GPC6: variants seen among roughly 807,000 people sequenced by gnomAD.
GPC6 encodes the protein glypican 6.
In GPC6, 14 loss-of-function variants were observed where a neutral mutation model predicts 55.2. That is an observed-to-expected ratio of 0.25 (90% CI 0.17 to 0.40). The LOEUF (loss-of-function observed/expected upper bound fraction) is 0.40. Ranked by LOEUF, GPC6 falls within the 10% of genes least tolerant of loss-of-function variation. GPC6 has a pLI of 1.00. For missense variants in GPC6, 641 were observed against 708.5 expected (o/e 0.90, Z 1.08); for synonymous variants, 278 against 259.6 (o/e 1.07, Z -0.68).
At chr13:94,111,698 A>G (rs1233379634) in intron 4 of GPC6, among the ~76,000 whole-genome samples, 1 of 151,860 alleles carries the variant, frequency 6.6e-6, no homozygotes, top group African/African-American at 2.4e-5. Context: ...CTGACAATTG[A>G]TCGTATTGGT....
At chr13:93,538,864 T>C (rs1351589618) in intron 1 of GPC6, among the ~76,000 whole-genome samples, 3 of 152,180 alleles carry the variant, frequency 2.0e-5, no homozygotes, top group Non-Finnish European at 4.4e-5. Flanking sequence ...CTCCACTGAA[T>C]GTTCTATTTT....
chr13:93,920,904 G>A (rs1049705155), intron 3 of GPC6, among the ~76,000 whole-genome samples: 20 of 151,986 alleles, frequency 1.3e-4, no homozygotes, highest in African/African-American at 4.6e-4. Context: ...TTAGCCTTAG[G>A]TCCCTCCATG....
At chr13:93,481,949 G>C (rs1879538079) in intron 1 of GPC6, among the ~76,000 whole-genome samples, 1 of 152,062 alleles carries the variant, frequency 6.6e-6, no homozygotes, top group Admixed American at 6.6e-5. Context: ...TTTTTTTAAA[G>C]GGTGGCTGAG....
At chr13:93,994,802 T>C (rs1250792005) in intron 3 of GPC6, among the ~76,000 whole-genome samples, 1 of 152,196 alleles carries the variant, frequency 6.6e-6, no homozygotes, top group Admixed American at 6.5e-5. Context: ...GTACGATTTT[T>C]AAATGGGCAC....
chr13:93,712,990 T>C (rs1883124999), intron 2 of GPC6, among the ~76,000 whole-genome samples: 1 of 151,566 alleles, frequency 6.6e-6, no homozygotes, highest in Non-Finnish European at 1.5e-5. Flanking sequence ...ATAATAAAAT[T>C]ATATATTCAC....
At chr13:93,895,234 G>GTGTGTGTGTATGTA (rs1196315147) in intron 3 of GPC6, among the ~76,000 whole-genome samples, 4 of 108,218 alleles carry the variant, frequency 3.7e-5, no homozygotes, top group African/African-American at 1.5e-4. Flanking sequence ...GTGTGTGTGT[G>GTGTGTGTGTATGTA]TATATATATA....
intron 4 of GPC6, among the ~76,000 whole-genome samples, chr13:94,119,640 C>G (rs1199257085): frequency 6.6e-6 from 1 of 152,052 alleles, no homozygotes; most frequent in Non-Finnish European, 1.5e-5. Flanking sequence ...TGACCAGTGC[C>G]CCCTGGAGTT....
chr13:93,714,086 T>C (rs1883164442), intron 2 of GPC6, among the ~76,000 whole-genome samples: 1 of 151,852 alleles, frequency 6.6e-6, no homozygotes, highest in Admixed American at 6.6e-5. Flanking sequence ...AATTGACAAG[T>C]GGGACCTAAT....
At chr13:93,628,601 T>C (rs2139567898) in intron 2 of GPC6, among the ~76,000 whole-genome samples, 1 of 152,320 alleles carries the variant, frequency 6.6e-6, no homozygotes, top group East Asian at 1.9e-4. Flanking sequence ...TTGGTTGTAC[T>C]TGCATGACAC....
chr13:94,250,356 A>C (rs1891311270), intron 4 of GPC6, among the ~76,000 whole-genome samples: 1 of 152,164 alleles, frequency 6.6e-6, no homozygotes, highest in Non-Finnish European at 1.5e-5. Context: ...AGGTCTGTGT[A>C]GTTTGAGTGC....
At chr13:93,640,279 G>A (rs1318377464) in intron 2 of GPC6, among the ~76,000 whole-genome samples, 1 of 152,054 alleles carries the variant, frequency 6.6e-6, no homozygotes, top group Non-Finnish European at 1.5e-5. Flanking sequence ...GATTATACCA[G>A]CATGTGCTCT....
intron 1 of GPC6, among the ~76,000 whole-genome samples, chr13:93,350,109 T>G (rs1594111584): frequency 6.6e-6 from 1 of 152,184 alleles, no homozygotes; most frequent in African/African-American, 2.4e-5. Flanking sequence ...ATGGGTATAT[T>G]ATATAATCAA....
chr13:93,639,782 C>T (rs905753756), intron 2 of GPC6, among the ~76,000 whole-genome samples: 30 of 152,134 alleles, frequency 2.0e-4, no homozygotes, highest in African/African-American at 6.7e-4. Flanking sequence ...TTCTCTAAGC[C>T]GAGAACATTG....
At chr13:93,752,965 T>TTTCTTTCA (rs1884648486) in intron 2 of GPC6, among the ~76,000 whole-genome samples, 1 of 152,210 alleles carries the variant, frequency 6.6e-6, no homozygotes, top group Non-Finnish European at 1.5e-5. Flanking sequence ...CTTTACATCC[T>TTTCTTTCA]TTCTTTCATT....
intron 4 of GPC6, among the ~76,000 whole-genome samples, chr13:94,072,448 G>C (rs1482401540): frequency 6.6e-6 from 1 of 152,232 alleles, no homozygotes; most frequent in East Asian, 1.9e-4. Flanking sequence ...CTGCCTCCCG[G>C]GTTCAAGCAA....
intron 3 of GPC6, among the ~76,000 whole-genome samples, chr13:93,979,470 G>T (rs933552926): frequency 6.6e-6 from 1 of 151,112 alleles, no homozygotes; most frequent in Non-Finnish European, 1.5e-5. Flanking sequence ...AATTCCTGGC[G>T]CACTGTATTA....
In GPC6 at chr13:93,261,732, G is replaced by T. The variant is rs558203455; in HGVS notation, c.160+34116G>T. On this transcript the variant is annotated intron_variant, in intron 1 of 8. Coordinates refer to ENST00000377047, the MANE Select transcript of GPC6 (RefSeq NM_005708.5). ...GTTTCATTTGTTTCACATGTATTTT[G>T]CCCAGGGTTGGACAAACAGATAAGC... Among the ~76,000 whole-genome samples, 76 of 152,194 alleles carry T rather than the reference G, an allele frequency of 5.0e-4. 2 individuals carry two copies. The highest frequency in any genetic ancestry group is 1.8e-3 in the African/African-American group (74 of 41,536).
intron 2 of GPC6, among the ~76,000 whole-genome samples, chr13:93,685,935 T>A (rs995368668): frequency 6.6e-6 from 1 of 152,194 alleles, no homozygotes; most frequent in Admixed American, 6.5e-5. Flanking sequence ...ATTAACTTAG[T>A]TGACAGAGCC....
intron 3 of GPC6, among the ~76,000 whole-genome samples, chr13:93,910,101 G>A (rs1419623195): frequency 1.3e-5 from 2 of 151,932 alleles, no homozygotes; most frequent in African/African-American, 4.8e-5. Context: ...GTGTGATATG[G>A]TTTGGCTGTG....
Sources: allele counts gnomAD v4.1 joint callset (sites outside exome capture counted in the v4.1 genomes callset), GRCh38; gene constraint gnomAD v4.1.1; transcripts MANE v1.5; gene names NCBI Gene and HGNC (gene_info 2026-07-23, HGNC 2026-07-21).